Variants in PSMC3 observed in about 807,000 individuals in gnomAD.
PSMC3 encodes proteasome 26S subunit, ATPase 3, also known as 26S proteasome regulatory subunit 6A.
In PSMC3, 11 loss-of-function variants were observed where a neutral mutation model predicts 52.0. The ratio of observed to expected loss-of-function variants is 0.21; its 90% CI spans 0.13 to 0.35. The LOEUF (loss-of-function observed/expected upper bound fraction) is 0.35. Ranked by LOEUF, PSMC3 falls within the 10% of genes least tolerant of loss-of-function variation. The pLI is 1.00. For synonymous variants in PSMC3, 201 were observed against 218.8 expected, an observed-to-expected ratio of 0.92 and a Z score of 0.72; for missense variants, 238 against 567.1, an observed-to-expected ratio of 0.42 and a Z score of 5.89.
chr11:47,425,370 C>A lies in PSMC3; in HGVS notation c.160-124G>T, dbSNP rs1043079967. The A allele has an allele frequency of 1.5e-5, 19 of 1,235,448 alleles. No individual in the cohort carries two copies. In the Admixed American group the frequency reaches 3.5e-4, roughly 22 times the overall value. The allele number at this position is 1,235,448 out of a possible 1,614,324, so 76.5% of individuals were successfully genotyped here. A position where few individuals can be genotyped will look rare whatever the true frequency, so the allele number is the denominator to read the frequency against. On this transcript the variant is annotated intron_variant, in intron 2 of 11. Coordinates refer to ENST00000298852, the MANE Select transcript of PSMC3 (RefSeq NM_002804.5). ...CGCATCCATTCATCCAGCTCTGAGGCTCTCTGAAGGCAGAGTCTGACTGTG... is the reference window on the plus strand; with the variant it reads ...CGCATCCATTCATCCAGCTCTGAGGATCTCTGAAGGCAGAGTCTGACTGTG...
chr11:47,423,616 G>A (rs764253356), intron 6 of PSMC3, among the ~76,000 whole-genome samples: 4 of 151,970 alleles, frequency 2.6e-5, no homozygotes, highest in East Asian at 1.9e-4. Context: ...GAGAAACCCC[G>A]TCTCTACTAA....
rs1446163606 is a variant in PSMC3, at chr11:47,419,113, C to T, written c.1209+3G>A. On this transcript the variant is annotated splice_donor_region_variant and intron_variant, in intron 11 of 11. Coordinates refer to ENST00000298852, the MANE Select transcript of PSMC3 (RefSeq NM_002804.5). ...AACGCACCCACCCCAGCTGACCACTCACCGCCTCCACACACACAGCCTTGC... is the reference window on the plus strand; with the variant it reads ...AACGCACCCACCCCAGCTGACCACTTACCGCCTCCACACACACAGCCTTGC... 6.8e-6 allele frequency: 11 copies of T among 1,614,006 alleles called. No individual in the cohort carries two copies. Among genetic ancestry groups the T allele is most frequent in the African/African-American group, 1.3e-5 (1 of 74,886 alleles).
chr11:47,420,854 C>T (rs2096039660), intron 8 of PSMC3, 127 bp from the exon 9 acceptor site: 14 of 739,632 alleles, frequency 1.9e-5, no homozygotes, highest in Non-Finnish European at 2.9e-5. Context: ...ACTTGGGGCC[C>T]CCAGCCCAGG....
Position 47,424,535 on chromosome 11 carries a change from G to C in PSMC3, c.391-44C>G. On this transcript the variant is annotated intron_variant, in intron 4 of 11. Coordinates refer to ENST00000298852, the MANE Select transcript of PSMC3 (RefSeq NM_002804.5). This position sits in a 1 kb window ranked among gnomAD's most constrained non-coding sequence, Gnocchi z 4.8. ...GGCAGTCTCAGTTAGTGTCCTCAGG[G>C]AAGGCTCCCTAGTCCTGTCCCACAT... 6.2e-7 allele frequency: 1 copy of C among 1,609,648 alleles called. No individual in the cohort carries two copies. Among genetic ancestry groups the C allele is most frequent in the Non-Finnish European group, 8.5e-7 (1 of 1,175,938 alleles).
chr11:47,426,029 G>T, intron 1 of PSMC3, 79 bp from the exon 2 acceptor site: 2 of 1,457,844 alleles, frequency 1.4e-6, no homozygotes, highest in Non-Finnish European at 1.9e-6. Flanking sequence ...CCCACTCACA[G>T]CCTCAGTTTC....
At chr11:47,425,088 A>T in intron 3 of PSMC3, 33 bp downstream of exon 3, 1 of 1,612,158 alleles carries the variant, frequency 6.2e-7, no homozygotes, top group Non-Finnish European at 8.5e-7. Context: ...TTCCCTGCTG[A>T]CTCCCTCTCT....
intron 10 of PSMC3, among the ~76,000 whole-genome samples, chr11:47,419,592 G>A (rs1160023690): frequency 1.5e-4 from 23 of 152,254 alleles, no homozygotes; most frequent in Admixed American, 1.2e-3. Context: ...GGGCGTGGTG[G>A]CTCATACCTA....
At chr11:47,419,289 G>T in intron 10 of PSMC3, 92 bp from the exon 11 acceptor site, 1 of 1,370,866 alleles carries the variant, frequency 7.3e-7, no homozygotes, top group Non-Finnish European at 1.0e-6. Context: ...AAGCAACAAA[G>T]TCAAGTTGCC....
intron 10 of PSMC3, among the ~76,000 whole-genome samples, chr11:47,419,498 C>T (rs2096037393): frequency 6.6e-6 from 1 of 152,186 alleles, no homozygotes; most frequent in Non-Finnish European, 1.5e-5. Flanking sequence ...GCGCTTGACA[C>T]TGTCACATCT....
In PSMC3 at chr11:47,426,424, G is replaced by T; in HGVS notation, c.-145C>A. The T allele has an allele frequency of 1.5e-6, 1 of 654,596 alleles. No homozygotes were observed. Among genetic ancestry groups the T allele is most frequent in the Non-Finnish European group, 2.4e-6 (1 of 418,248 alleles). The allele number at this position is 654,596 out of a possible 1,614,324, so 40.5% of individuals were successfully genotyped here. A position where few individuals can be genotyped will look rare whatever the true frequency, so the allele number is the denominator to read the frequency against. Reference sequence around the variant, plus strand: ...TGACCCGACCAGCTCCGGCCGTGCTGCGGAGCAGCGAATCTGCCTCTCCGA... The same window carrying T: ...TGACCCGACCAGCTCCGGCCGTGCTTCGGAGCAGCGAATCTGCCTCTCCGA... On this transcript the variant is annotated 5_prime_UTR_variant, in exon 1 of 12. Transcript: ENST00000298852.
intron 8 of PSMC3, among the ~76,000 whole-genome samples, chr11:47,421,838 A>C (rs566375265): frequency 1.5e-4 from 23 of 151,854 alleles, no homozygotes; most frequent in African/African-American, 5.1e-4. Context: ...TTTTTAGTAG[A>C]GATGTGTTTC....
At position 47,425,450 on chromosome 11, in the gene PSMC3, A is replaced by AT. The variant is rs373883216; in HGVS notation, c.160-205dup. 57 of 620,946 alleles carry AT rather than the reference A, an allele frequency of 9.2e-5. 1 individual carries two copies. In the South Asian group the frequency reaches 1.1e-3, roughly 12 times the overall value. The allele number at this position is 620,946 out of a possible 1,614,324, so 38.5% of individuals were successfully genotyped here. Reference sequence around the variant, plus strand: ...GCCAGTTTGGAAACCTCCTGGTGAAATAGTGGTAGTATTGGAATAAAAGCA... The same window carrying AT: ...GCCAGTTTGGAAACCTCCTGGTGAAATTAGTGGTAGTATTGGAATAAAAGCA... On this transcript the variant is annotated intron_variant, in intron 2 of 11. Transcript: ENST00000298852.
At position 47,422,839 on chromosome 11, in the gene PSMC3, T is replaced by C. The variant is rs1228095267; in HGVS notation, c.726A>G (p.Ala242=). ...CTCCCAAAGTACTCACCTTAGTCTG[T>C]GCGGCACAGGCCCGGGCCAGGAGGG... ...GKTLLARACA[A]QTKATFLKLA... Residue 242 remains alanine (A), a synonymous_variant, in exon 7 of 12, where the codon GCA becomes GCG. Coordinates refer to ENST00000298852, the MANE Select transcript of PSMC3 (RefSeq NM_002804.5). The surrounding 1 kb of genome is among the most constrained non-coding windows in gnomAD (Gnocchi z 4.3). 6.2e-7 allele frequency: 1 copy of C among 1,610,870 alleles called. No individual in the cohort carries two copies. Among genetic ancestry groups the C allele is most frequent in the Non-Finnish European group, 8.5e-7 (1 of 1,178,116 alleles).
At chr11:47,419,670 T>C (rs532313717) in intron 10 of PSMC3, among the ~76,000 whole-genome samples, 12 of 152,184 alleles carry the variant, frequency 7.9e-5, no homozygotes, top group South Asian at 4.2e-4. Context: ...CCATTCTGGC[T>C]AACAAGGTGA....
chr11:47,420,114 G>A lies in PSMC3; in HGVS notation c.1127+150C>T, dbSNP rs188632974. The stretch of plus-strand genomic sequence containing the variant: ...CTACATCACACAACTGAGGAGAAAC[G>A]GAGGCTGGCGTGTGGAACGGTGCTG... On this transcript the variant is annotated intron_variant, in intron 10 of 11. Transcript: ENST00000298852. 1,131 of 923,366 alleles carry A rather than the reference G, an allele frequency of 1.2e-3. 4 individuals are homozygous for A. Among genetic ancestry groups the A allele is most frequent in the Admixed American group, 3.3e-3 (158 of 47,676 alleles). 57.2% of individuals were successfully genotyped at this position (923,366 alleles called of 1,614,324 possible).
chr11:47,421,880 G>C (rs1450530340), intron 8 of PSMC3, among the ~76,000 whole-genome samples: 1 of 151,898 alleles, frequency 6.6e-6, no homozygotes, highest in Admixed American at 6.6e-5. Context: ...TCGAATTCCT[G>C]ACCTCAAGTG....
chr11:47,425,368 G>T lies in PSMC3; in HGVS notation c.160-122C>A, dbSNP rs532532876. 1.7e-5 allele frequency: 22 copies of T among 1,270,664 alleles called. No homozygotes were observed. The South Asian group carries it at 2.7e-4, about 15-fold the overall frequency. 78.7% of individuals were successfully genotyped at this position (1,270,664 alleles called of 1,614,324 possible). ...CCCGCATCCATTCATCCAGCTCTGA[G>T]GCTCTCTGAAGGCAGAGTCTGACTG... On this transcript the variant is annotated intron_variant, in intron 2 of 11. Coordinates refer to ENST00000298852, the MANE Select transcript of PSMC3 (RefSeq NM_002804.5).
chr11:47,423,098 C>T, intron 6 of PSMC3, 125 bp from the exon 7 acceptor site: 1 of 1,079,806 alleles, frequency 9.3e-7, no homozygotes, highest in South Asian at 1.6e-5. Context: ...CATTTCTTTC[C>T]CCATATCAAG....
intron 2 of PSMC3, 156 bp downstream of exon 2, chr11:47,425,711 A>G: frequency 1.6e-6 from 1 of 637,080 alleles, no homozygotes; most frequent in East Asian, 2.8e-5. Flanking sequence ...GTCCCTTTTA[A>G]GGCTTAGTTT....
Sources: gnomAD v4.1 joint callset for allele counts (sites outside exome capture counted in the v4.1 genomes callset) on GRCh38, gnomAD v4.1.1 for gene constraint, Gnocchi (gnomAD v3.1) non-coding constraint, MANE v1.5 for transcripts, NCBI Gene and HGNC (gene_info 2026-07-23, HGNC 2026-07-21) for gene names.